DAPL1: variants seen among roughly 807,000 people sequenced by gnomAD.
The protein encoded by DAPL1 is death-associated protein-like 1.
Under a neutral mutation model 12.9 loss-of-function variants are expected in DAPL1, and 17 were observed. The ratio of observed to expected loss-of-function variants is 1.32; its 90% CI spans 0.90 to 1.98. The LOEUF (loss-of-function observed/expected upper bound fraction) is 1.98. Ranked by LOEUF, DAPL1 falls within the 30% of genes most tolerant of loss-of-function variation. The pLI is 0.00. For missense variants in DAPL1, 157 were observed against 125.7 expected, an observed-to-expected ratio of 1.25 and a Z score of -1.19; for synonymous variants, 51 against 42.0, an observed-to-expected ratio of 1.21 and a Z score of -0.82.
At chr2:158,804,260 G>A (rs746477723) in intron 1 of DAPL1, 22 bp from the exon 2 acceptor site, 2 of 1,552,764 alleles carry the variant, frequency 1.3e-6, no homozygotes, top group Non-Finnish European at 1.8e-6. Context: ...TAACTTCCAT[G>A]CTGATTTTTA....
rs920145509 is a variant in DAPL1, at chr2:158,806,110, A to G, written c.147-945A>G. Among the ~76,000 whole-genome samples, 37 of 148,476 alleles carry G rather than the reference A, an allele frequency of 2.5e-4. 1 individual carries two copies. The highest frequency in any genetic ancestry group is 7.8e-4 in the African/African-American group (32 of 40,968). The stretch of plus-strand genomic sequence containing the variant: ...AGGAAAGCCTTGTTTTCATGGACAA[A>G]CACTCCTTTGTATGTCATCTTAGAG... On this transcript the variant is annotated intron_variant, in intron 2 of 3. Coordinates refer to ENST00000309950, the MANE Select transcript of DAPL1 (RefSeq NM_001017920.3).
chr2:158,805,647 A>T (rs2059196968), intron 2 of DAPL1, among the ~76,000 whole-genome samples: 1 of 148,544 alleles, frequency 6.7e-6, no homozygotes, highest in South Asian at 2.1e-4. Flanking sequence ...TGGACAGCCA[A>T]AGGACAGGTC....
At chr2:158,795,695 G>A (rs1366656991) in intron 1 of DAPL1, among the ~76,000 whole-genome samples, 13 of 152,224 alleles carry the variant, frequency 8.5e-5, no homozygotes, top group Admixed American at 8.5e-4. Flanking sequence ...GGCATAGGTA[G>A]AGAGGTTGCA....
At position 158,802,771 on chromosome 2, in the gene DAPL1, T is replaced by C. The variant is rs543410647; in HGVS notation, c.59-1511T>C. On this transcript the variant is annotated intron_variant, in intron 1 of 3. Coordinates refer to ENST00000309950, the MANE Select transcript of DAPL1 (RefSeq NM_001017920.3). ...TAAACTTGCTTATTTCACTGAGCTCTGTGCCTCGCCTTGAATTTCTTCCTG... is the reference window on the plus strand; with the variant it reads ...TAAACTTGCTTATTTCACTGAGCTCCGTGCCTCGCCTTGAATTTCTTCCTG... Among the ~76,000 whole-genome samples the C allele has an allele frequency of 7.2e-5, 11 of 152,366 alleles. No individual in the cohort carries two copies. In the South Asian group the frequency reaches 1.7e-3, roughly 23 times the overall value.
intron 1 of DAPL1, 108 bp from the exon 2 acceptor site, chr2:158,804,173 TA>T: frequency 2.7e-6 from 2 of 754,444 alleles, no homozygotes; most frequent in Non-Finnish European, 4.2e-6. Context: ...TTTAGATCTT[TA>T]AAAAATAAGT....
In DAPL1 at chr2:158,813,803, C is replaced by A. The variant is rs1187922847; in HGVS notation, c.208-1902C>A. ...ATCGCCTGACCTCATGATCCGCCCG[C>A]CTTGGCCTCCCAAAGTGCTGGGATT... On this transcript the variant is annotated intron_variant, in intron 3 of 3. Coordinates refer to ENST00000309950, the MANE Select transcript of DAPL1 (RefSeq NM_001017920.3). Among the ~76,000 whole-genome samples, 10 of 152,302 alleles carry A rather than the reference C, an allele frequency of 6.6e-5. No homozygotes were observed. The East Asian group carries it at 1.9e-3, about 29-fold the overall frequency.
Position 158,805,412 on chromosome 2 carries a change from A to G in DAPL1, c.146+1043A>G, listed in dbSNP as rs187307885. ...TCCTCAAGAGTGGAGGTCACACGTT[A>G]TTTTTCTTCTGACCCAGCATCTAGG... is the stretch of plus-strand genomic sequence containing the variant. On this transcript the variant is annotated intron_variant, in intron 2 of 3. Coordinates refer to ENST00000309950, the MANE Select transcript of DAPL1 (RefSeq NM_001017920.3). 8.3e-4 allele frequency among the ~76,000 whole-genome samples: 126 copies of G among 152,214 alleles called. 1 individual carries two copies. The highest frequency in any genetic ancestry group is 7.1e-3 in the Admixed American group (108 of 15,296).
intron 3 of DAPL1, among the ~76,000 whole-genome samples, chr2:158,812,988 T>C (rs564342326): frequency 6.6e-6 from 1 of 151,488 alleles, no homozygotes; most frequent in Non-Finnish European, 1.5e-5. Context: ...CAAGTATTCA[T>C]CAATGGATGA....
chr2:158,798,137 A>G (rs1366570734), intron 1 of DAPL1, among the ~76,000 whole-genome samples: 2 of 152,214 alleles, frequency 1.3e-5, no homozygotes, highest in African/African-American at 4.8e-5. Context: ...GACTTTTTCT[A>G]TATTTCCTGC....
At chr2:158,811,197 A>C (rs748888123) in intron 3 of DAPL1, among the ~76,000 whole-genome samples, 13 of 152,176 alleles carry the variant, frequency 8.5e-5, no homozygotes, top group Non-Finnish European at 1.5e-4. Context: ...AGCCAGTGAG[A>C]TGTATGTGAA....
intron 3 of DAPL1, among the ~76,000 whole-genome samples, chr2:158,813,285 A>C (rs4665013): frequency 6.6e-6 from 1 of 151,916 alleles, no homozygotes; most frequent in Admixed American, 6.5e-5. Context: ...GTTTAGGATG[A>C]TGAAAAAGTT....
intron 3 of DAPL1, among the ~76,000 whole-genome samples, chr2:158,815,420 G>C (rs1180934529): frequency 6.6e-6 from 1 of 152,092 alleles, no homozygotes; most frequent in Non-Finnish European, 1.5e-5. Flanking sequence ...CAGAATAATT[G>C]CTAACAACAC....
intron 1 of DAPL1, among the ~76,000 whole-genome samples, chr2:158,799,555 C>A (rs1424579689): frequency 6.6e-6 from 1 of 152,050 alleles, no homozygotes; most frequent in African/African-American, 2.4e-5. Flanking sequence ...TTAAGATAAC[C>A]CTCCCACAAA....
chr2:158,796,029 G>A (rs1338713571), intron 1 of DAPL1, among the ~76,000 whole-genome samples: 9 of 152,138 alleles, frequency 5.9e-5, no homozygotes, highest in Admixed American at 6.5e-5. Context: ...AGCTGTCAAG[G>A]TGTTTGCAAA....
At chr2:158,814,289 C>CA (rs989031759) in intron 3 of DAPL1, among the ~76,000 whole-genome samples, 94 of 145,574 alleles carry the variant, frequency 6.5e-4, no homozygotes, top group African/African-American at 1.3e-3. Context: ...ACTGACCTGA[C>CA]AAAAAAAAAA....
intron 3 of DAPL1, among the ~76,000 whole-genome samples, chr2:158,813,828 T>C (rs935280298): frequency 6.6e-6 from 1 of 152,178 alleles, no homozygotes; most frequent in African/African-American, 2.4e-5. Context: ...GTGCTGGGAT[T>C]GCAGGTGTGG....
intron 2 of DAPL1, among the ~76,000 whole-genome samples, chr2:158,806,282 T>C (rs188482814): frequency 8.1e-6 from 1 of 123,724 alleles, no homozygotes; most frequent in African/African-American, 2.7e-5. Flanking sequence ...GACATTGTAC[T>C]GTAGATTTGG....
At chr2:158,798,991 G>C (rs1226018974) in intron 1 of DAPL1, among the ~76,000 whole-genome samples, 1 of 152,056 alleles carries the variant, frequency 6.6e-6, no homozygotes, top group Non-Finnish European at 1.5e-5. Context: ...ACCAAAAACT[G>C]TGAAAAAGAT....
chr2:158,811,750 T>G (rs2059231863), intron 3 of DAPL1, among the ~76,000 whole-genome samples: 1 of 152,178 alleles, frequency 6.6e-6, no homozygotes, highest in South Asian at 2.1e-4. Context: ...CCCTAATGAA[T>G]GAGACAAGAA....
Sources: gnomAD v4.1 joint callset for allele counts (sites outside exome capture counted in the v4.1 genomes callset) on GRCh38, gnomAD v4.1.1 for gene constraint, MANE v1.5 for transcripts, NCBI Gene and HGNC (gene_info 2026-07-23, HGNC 2026-07-21) for gene names.